Variants in ELF4 observed in about 807,000 individuals in gnomAD.
ELF4 encodes the protein E74 like ETS transcription factor 4, also known as ETS-related transcription factor Elf-4.
In ELF4, 10 loss-of-function variants were observed where a neutral mutation model predicts 31.7. The ratio of observed to expected loss-of-function variants is 0.32; its 90% CI spans 0.19 to 0.54. The LOEUF is 0.54. Among genes scored for constraint, ELF4 ranks in the 20% least tolerant of loss-of-function variants. The pLI, the probability that ELF4 is intolerant of heterozygous loss-of-function variation, is 0.95. For synonymous variants in ELF4, 208 were observed against 226.7 expected (o/e 0.92, Z 0.74); for missense variants, 418 against 522.0 (o/e 0.80, Z 1.94).
At chrX:130,084,550 T>A (rs779159697) in intron 1 of ELF4, among the ~76,000 whole-genome samples, 10 of 111,997 alleles carry the variant, frequency 8.9e-5, no homozygotes, top group Middle Eastern at 4.6e-3. Flanking sequence ...GGTGCAGGCT[T>A]TGCTGCCTCG....
chrX:130,089,776 GCAGT>G (rs1438178477), intron 1 of ELF4, among the ~76,000 whole-genome samples: 2 of 111,898 alleles, frequency 1.8e-5, no homozygotes, highest in Non-Finnish European at 3.8e-5. Flanking sequence ...AGAACACACA[GCAGT>G]CAAAGATTCA....
At chrX:130,104,357 G>A (rs1933339032) in intron 1 of ELF4, among the ~76,000 whole-genome samples, 1 of 108,387 alleles carries the variant, frequency 9.2e-6, no homozygotes, top group African/African-American at 3.4e-5. Flanking sequence ...TGCAATGGCC[G>A]AGTTAACAAA....
At chrX:130,096,940 C>T (rs1290869200) in intron 1 of ELF4, among the ~76,000 whole-genome samples, 3 of 110,752 alleles carry the variant, frequency 2.7e-5, no homozygotes, top group Non-Finnish European at 3.8e-5. Context: ...GTGAAGTAGG[C>T]GAGTTTGGTA....
chrX:130,110,234 C>T (rs1428463010), intron 1 of ELF4, 91 bp downstream of exon 1: 2 of 111,065 alleles, frequency 1.8e-5, no homozygotes, highest in Admixed American at 9.2e-5. Flanking sequence ...GGCCCCCAGC[C>T]CCACGCCGGG....
In ELF4 at chrX:130,065,249, C is replaced by G. The variant is rs771962351; in HGVS notation, c.*1472G>C. On this transcript the variant is annotated 3_prime_UTR_variant, in exon 9 of 9. Coordinates refer to ENST00000308167, the MANE Select transcript of ELF4 (RefSeq NM_001421.4). ...TTCTTAGCCTTGCCCTCAAACTTGGCAGGAGGGAGGCAAGCTCGTTTAAAG... is the reference window on the plus strand; with the variant it reads ...TTCTTAGCCTTGCCCTCAAACTTGGGAGGAGGGAGGCAAGCTCGTTTAAAG... 28 of 173,697 alleles carry G rather than the reference C, an allele frequency of 1.6e-4. 1 individual carries two copies. The highest frequency in any genetic ancestry group is 7.4e-4 in the African/African-American group (25 of 33,830). 14.3% of individuals were successfully genotyped at this position (173,697 alleles called of 1,213,427 possible). A position where few individuals can be genotyped will look rare whatever the true frequency, so the allele number is the denominator to read the frequency against.
chrX:130,073,394 C>T (rs1932805629), intron 4 of ELF4, among the ~76,000 whole-genome samples: 1 of 110,844 alleles, frequency 9.0e-6, no homozygotes, highest in Admixed American at 9.6e-5. Flanking sequence ...GCCTGGATCA[C>T]TTATTTCTAA....
chrX:130,070,414 A>C (rs897523234), intron 7 of ELF4, among the ~76,000 whole-genome samples: 3 of 110,163 alleles, frequency 2.7e-5, no homozygotes, highest in Non-Finnish European at 5.7e-5. Context: ...CTCTACTAAA[A>C]ATACAAAAAA....
chrX:130,076,934 G>T (rs1239377217), intron 2 of ELF4, among the ~76,000 whole-genome samples: 1 of 111,084 alleles, frequency 9.0e-6, no homozygotes, highest in Non-Finnish European at 1.9e-5. Context: ...GTTCCTGAGG[G>T]ATCCAGAGAA....
chrX:130,110,002 T>G (rs1368030307), intron 1 of ELF4, among the ~76,000 whole-genome samples: 1 of 112,123 alleles, frequency 8.9e-6, no homozygotes. Flanking sequence ...TCCTCTGCCC[T>G]CGGGCGCCCA....
In ELF4 at chrX:130,069,596, C is replaced by G. The variant is rs1012950873; in HGVS notation, c.891G>C (p.Leu297=). ...TCTCATCCTCATCTTCAATGACCAC[C>G]AGGTCCTTGGGCATCTCCTTAAACT... ...VYQFKEMPKD[L]VVIEDEDESS... The change falls in exon 8 of 9, where the codon CTG becomes CTC. Residue 297 remains leucine (L), a synonymous_variant. Transcript: ENST00000308167. The G allele has an allele frequency of 1.1e-5, 13 of 1,210,328 alleles. No homozygotes were observed. Among genetic ancestry groups the G allele is most frequent in the Non-Finnish European group, 1.3e-5 (12 of 894,778 alleles).
intron 1 of ELF4, among the ~76,000 whole-genome samples, chrX:130,102,870 GAGAGAGAGAGAGAGAGAA>G (rs1237359669): frequency 1.2e-4 from 9 of 72,777 alleles, no homozygotes; most frequent in South Asian, 7.3e-4. Flanking sequence ...GAGAGAGAGA[GAGAGAGAGAGAGAGAGAA>G]AGAAAGAAAG....
At chrX:130,090,351 C>T (rs778393557) in intron 1 of ELF4, among the ~76,000 whole-genome samples, 5 of 107,974 alleles carry the variant, frequency 4.6e-5, no homozygotes, top group South Asian at 8.1e-4. Context: ...CCAGCCTGGG[C>T]GACAGAGCAA....
In ELF4 at chrX:130,091,792, A is replaced by T. The variant is rs749608051; in HGVS notation, c.-209-10253T>A. 1.2e-3 allele frequency among the ~76,000 whole-genome samples: 131 copies of T among 111,835 alleles called. 1 individual carries two copies. The highest frequency in any genetic ancestry group is 4.2e-3 in the African/African-American group (128 of 30,774). On this transcript the variant is annotated intron_variant, in intron 1 of 8. Coordinates refer to ENST00000308167, the MANE Select transcript of ELF4 (RefSeq NM_001421.4). ...TGTGCCTCGGTTACCTCATCTGCAC[A>T]ATGAGGGGGTTGGACTGGGTGACCT...
chrX:130,089,527 A>AC (rs1366480967), intron 1 of ELF4, among the ~76,000 whole-genome samples: 13 of 104,535 alleles, frequency 1.2e-4, no homozygotes, highest in African/African-American at 1.7e-4. Flanking sequence ...AAAAAAAAAA[A>AC]AAAAAAAAAA....
upstream of ELF4, among the ~76,000 whole-genome samples, chrX:130,110,895 A>G (rs868339424): frequency 2.5e-3 from 198 of 78,262 alleles, no homozygotes; most frequent in Non-Finnish European, 4.0e-3. Context: ...GAAATGCAGT[A>G]GAGACACACA....
In ELF4 at chrX:130,067,520, G is replaced by T. The variant is rs775313137; in HGVS notation, c.1193C>A (p.Ser398Tyr). The T allele has an allele frequency of 8.3e-7, 1 of 1,211,629 alleles. No individual in the cohort carries two copies. Among genetic ancestry groups the T allele is most frequent in the Non-Finnish European group, 1.1e-6 (1 of 895,198 alleles). ...TAGGTGGATGTTGCTGGGCACTGAA[G>T]ATGCACTGAGAAGAAACAGAGAACA... ...QVKLTKAVSA[S>Y]SVPSNIHLGV... The change falls in exon 9 of 9, where the codon TCT becomes TAT. Residue 398 changes from serine to tyrosine, a missense_variant. Ser to Tyr is a moderately radical substitution (Grantham distance 144). Coordinates refer to ENST00000308167, the MANE Select transcript of ELF4 (RefSeq NM_001421.4).
At chrX:130,109,556 G>T (rs1933436448) in intron 1 of ELF4, among the ~76,000 whole-genome samples, 1 of 111,221 alleles carries the variant, frequency 9.0e-6, no homozygotes, top group Admixed American at 9.4e-5. Context: ...GGTGCCAAGG[G>T]GTCAGGAGGT....
At chrX:130,094,089 G>A (rs929037687) in intron 1 of ELF4, among the ~76,000 whole-genome samples, 10 of 111,516 alleles carry the variant, frequency 9.0e-5, no homozygotes, top group African/African-American at 2.6e-4. Context: ...AAAATTGGCC[G>A]GGTGTGGTGG....
At chrX:130,078,009 T>C (rs181343997) in intron 2 of ELF4, among the ~76,000 whole-genome samples, 3 of 111,112 alleles carry the variant, frequency 2.7e-5, no homozygotes, top group African/African-American at 9.8e-5. Context: ...TGAAAGGGGC[T>C]GGGTGCGGTG....
Sources: gnomAD v4.1 joint callset for allele counts (sites outside exome capture counted in the v4.1 genomes callset) on GRCh38, gnomAD v4.1.1 for gene constraint, MANE v1.5 for transcripts, NCBI Gene and HGNC (gene_info 2026-07-23, HGNC 2026-07-21) for gene names.